The following NAPB variants were observed in gnomAD, a reference collection of about 807,000 sequenced individuals.
NAPB encodes the protein beta-soluble NSF attachment protein.
NAPB carries 26 observed loss-of-function variants against 44.7 expected under a neutral mutation model. That is an observed-to-expected ratio of 0.58 (90% CI 0.43 to 0.81). NAPB has a LOEUF of 0.81. Among genes scored for constraint, NAPB ranks in the 30% least tolerant of loss-of-function variants. The pLI, the probability that NAPB is intolerant of heterozygous loss-of-function variation, is 0.00. For missense variants in NAPB, 315 were observed against 356.4 expected, an observed-to-expected ratio of 0.88 and a Z score of 0.94; for synonymous variants, 120 against 116.8, an observed-to-expected ratio of 1.03 and a Z score of -0.18.
intron 5 of NAPB, among the ~76,000 whole-genome samples, chr20:23,391,389 T>G (rs900943728): frequency 6.6e-6 from 1 of 152,150 alleles, no homozygotes; most frequent in South Asian, 2.1e-4. Context: ...AGTCAGATGA[T>G]AGTGTGTGCT....
Position 23,377,506 on chromosome 20 carries a change from A to G in NAPB, c.787-20T>C. 1 of 1,525,358 alleles carries G rather than the reference A, an allele frequency of 6.6e-7. No homozygotes were observed. Among genetic ancestry groups the G allele is most frequent in the Non-Finnish European group, 9.0e-7 (1 of 1,109,822 alleles). The allele number at this position is 1,525,358 out of a possible 1,614,324, so 94.5% of individuals were successfully genotyped here. A position where few individuals can be genotyped will look rare whatever the true frequency, so the allele number is the denominator to read the frequency against. ...CTTCACCTAGTATAAGGAAAGAGGA[A>G]CAGGAATTACCCCATGTAAATACAT... On this transcript the variant is annotated intron_variant, in intron 10 of 10. Coordinates refer to ENST00000377026, the MANE Select transcript of NAPB (RefSeq NM_022080.3).
chr20:23,421,238 G>T, intron 1 of NAPB, 67 bp downstream of exon 1: 2 of 1,393,168 alleles, frequency 1.4e-6, no homozygotes, highest in Non-Finnish European at 2.0e-6. Context: ...CGGGGGGTCA[G>T]CCTGAAAGGA....
Position 23,421,475 on chromosome 20 carries a change from G to A in NAPB, c.-73C>T, listed in dbSNP as rs1357889452. On this transcript the variant is annotated 5_prime_UTR_variant, in exon 1 of 11. Transcript: ENST00000377026. ...CCCAGGCGCCTTAACCCTCCCTCTG[G>A]CGGCCGCAGGGACGCAGGCGCAGGC... 30 of 1,370,920 alleles carry A rather than the reference G, an allele frequency of 2.2e-5. No homozygotes were observed. Among genetic ancestry groups the A allele is most frequent in the African/African-American group, 3.0e-5 (2 of 65,786 alleles). The allele number at this position is 1,370,920 out of a possible 1,614,324, so 84.9% of individuals were successfully genotyped here. A position where few individuals can be genotyped will look rare whatever the true frequency, so the allele number is the denominator to read the frequency against.
At chr20:23,393,093 CAAAT>C (rs1984091255) in intron 5 of NAPB, among the ~76,000 whole-genome samples, 1 of 152,126 alleles carries the variant, frequency 6.6e-6, no homozygotes, top group Non-Finnish European at 1.5e-5. Flanking sequence ...ACACCCTGAC[CAAAT>C]AAATACCCCA....
rs773180758 is a variant in NAPB at position 23,379,425 on chromosome 20, G to A, written c.786+20C>T. 3 of 1,575,908 alleles carry A rather than the reference G, an allele frequency of 1.9e-6. No homozygotes were observed. The highest frequency in any genetic ancestry group is 2.6e-6 in the Non-Finnish European group (3 of 1,161,292). On this transcript the variant is annotated intron_variant, in intron 10 of 10. Transcript: ENST00000377026. ...CTTAAATCTTCAAATAATGTACCAT[G>A]TCCCAAAAGCATAACTTACTGCTTC... is the stretch of plus-strand genomic sequence containing the variant.
rs115157497 is a variant in NAPB, at chr20:23,418,039, T to G, written c.98+3266A>C. Among the ~76,000 whole-genome samples the G allele has an allele frequency of 7.7e-3, 1,179 of 152,360 alleles. 20 individuals carry two copies. The highest frequency in any genetic ancestry group is 0.027 in the African/African-American group (1,102 of 41,576). Reference sequence around the variant, plus strand: ...AACACTAGAGAACTCATGACAGGCTTTAATCTGCAGATAGAGCATTCAGAA... The same window carrying G: ...AACACTAGAGAACTCATGACAGGCTGTAATCTGCAGATAGAGCATTCAGAA... On this transcript the variant is annotated intron_variant, in intron 1 of 10. Transcript: ENST00000377026.
chr20:23,388,362 A>T (rs1983685959), intron 7 of NAPB, among the ~76,000 whole-genome samples: 1 of 152,166 alleles, frequency 6.6e-6, no homozygotes, highest in African/African-American at 2.4e-5. Flanking sequence ...ATTCCATACA[A>T]TCCCTATCAA....
At chr20:23,400,615 G>A (rs1402220385) in intron 2 of NAPB, among the ~76,000 whole-genome samples, 3 of 152,136 alleles carry the variant, frequency 2.0e-5, no homozygotes, top group Admixed American at 6.5e-5. Flanking sequence ...TTCCTCACCC[G>A]CAAAACTGGT....
intron 1 of NAPB, among the ~76,000 whole-genome samples, chr20:23,416,160 C>T (rs777705896): frequency 2.0e-5 from 3 of 152,128 alleles, no homozygotes; most frequent in Non-Finnish European, 2.9e-5. Context: ...AGGTGTTAGC[C>T]ACAGCAACAA....
chr20:23,389,124 T>C (rs915737064), intron 7 of NAPB, among the ~76,000 whole-genome samples: 2 of 146,050 alleles, frequency 1.4e-5, no homozygotes, highest in African/African-American at 2.5e-5. Flanking sequence ...GATATACAAA[T>C]AGCCAATAAG....
At position 23,379,915 on chromosome 20, in the gene NAPB, C is replaced by T; in HGVS notation, c.687G>A (p.Glu229=). 3 of 1,613,024 alleles carry T rather than the reference C, an allele frequency of 1.9e-6. No homozygotes were observed. The highest frequency in any genetic ancestry group is 1.7e-6 in the Non-Finnish European group (2 of 1,179,394). ...AATCAGTAAATGCTGGAAACATTTC[C>T]TCATATTTCTCAAGAGCAAGCTGAG... ...LNAKLALEKY[E]EMFPAFTDSR... Residue 229 remains glutamate (E), a synonymous_variant, in exon 9 of 11, where the codon GAG becomes GAA. Coordinates refer to ENST00000377026, the MANE Select transcript of NAPB (RefSeq NM_022080.3).
At chr20:23,415,746 C>T (rs186441100) in intron 1 of NAPB, among the ~76,000 whole-genome samples, 2 of 152,024 alleles carry the variant, frequency 1.3e-5, no homozygotes, top group Admixed American at 6.6e-5. Flanking sequence ...CAGAGCAGAT[C>T]GCTTGAGTCC....
At chr20:23,397,282 C>G (rs754230062) in intron 2 of NAPB, 94 bp from the exon 3 acceptor site, 1 of 1,402,922 alleles carries the variant, frequency 7.1e-7, no homozygotes, top group Non-Finnish European at 9.5e-7. Flanking sequence ...AAATTATATT[C>G]CACTGAAAAG....
At chr20:23,416,753 A>C (rs1404471824) in intron 1 of NAPB, among the ~76,000 whole-genome samples, 1 of 152,210 alleles carries the variant, frequency 6.6e-6, no homozygotes, top group African/African-American at 2.4e-5. Flanking sequence ...TTTGAACAAG[A>C]ATTGTAACTG....
intron 1 of NAPB, among the ~76,000 whole-genome samples, chr20:23,411,104 T>A (rs954815712): frequency 1.3e-5 from 2 of 152,106 alleles, no homozygotes; most frequent in East Asian, 1.9e-4. Flanking sequence ...AGAGCCAATA[T>A]CCATGTAATG....
At chr20:23,401,883 AT>A (rs1984881798) in intron 2 of NAPB, among the ~76,000 whole-genome samples, 1 of 130,450 alleles carries the variant, frequency 7.7e-6, no homozygotes, top group Non-Finnish European at 1.7e-5. Flanking sequence ...TCTGTCTCGA[AT>A]AAATAAATAA....
At chr20:23,416,523 A>G (rs945578841) in intron 1 of NAPB, among the ~76,000 whole-genome samples, 3 of 152,148 alleles carry the variant, frequency 2.0e-5, no homozygotes, top group Non-Finnish European at 2.9e-5. Flanking sequence ...TCACCAAAAT[A>G]GTAAATGAGA....
intron 7 of NAPB, among the ~76,000 whole-genome samples, chr20:23,388,132 T>C (rs955002757): frequency 2.0e-5 from 3 of 152,188 alleles, no homozygotes; most frequent in Admixed American, 6.5e-5. Flanking sequence ...CCTTTGGATT[T>C]GGACTGGAGC....
chr20:23,388,577 T>C lies in NAPB; in HGVS notation c.561+1369A>G, dbSNP rs117136917. On this transcript the variant is annotated intron_variant, in intron 7 of 10. Coordinates refer to ENST00000377026, the MANE Select transcript of NAPB (RefSeq NM_022080.3). ...AAGATGGATAAATAGATCAATGGAA[T>C]AGAGAGCCCAGAAGTAAGCCCTCAT... Among the ~76,000 whole-genome samples the C allele has an allele frequency of 1.1e-3, 160 of 152,318 alleles. 2 individuals carry two copies. In the East Asian group the frequency reaches 0.024, roughly 23 times the overall value.
Sources: allele counts gnomAD v4.1 joint callset (sites outside exome capture counted in the v4.1 genomes callset), GRCh38; gene constraint gnomAD v4.1.1; transcripts MANE v1.5; gene names NCBI Gene and HGNC (gene_info 2026-07-23, HGNC 2026-07-21).